The following DNAJC15 variants were observed in gnomAD, a reference collection of about 807,000 sequenced individuals.
DNAJC15 encodes DnaJ heat shock protein family (Hsp40) member C15.
A neutral mutation model predicts 22.4 loss-of-function variants in DNAJC15; 27 were observed. The ratio of observed to expected loss-of-function variants is 1.20; its 90% CI spans 0.89 to 1.66. The LOEUF (loss-of-function observed/expected upper bound fraction) is 1.66, where lower values mean the gene tolerates loss of function less well. Among genes scored for constraint, DNAJC15 ranks in the 40% most tolerant of loss-of-function variants. The pLI is 0.00. For synonymous variants in DNAJC15, 79 were observed against 63.2 expected, an observed-to-expected ratio of 1.25 and a Z score of -1.19; for missense variants, 208 against 187.1, an observed-to-expected ratio of 1.11 and a Z score of -0.65.
chr13:43,081,539 C>T (rs920981457), intron 4 of DNAJC15, among the ~76,000 whole-genome samples: 12 of 151,740 alleles, frequency 7.9e-5, no homozygotes, highest in East Asian at 3.9e-4. Context: ...CCCAGGTTCA[C>T]GCCATTCTCC....
chr13:43,024,091 T>C (rs1319243468), intron 1 of DNAJC15, among the ~76,000 whole-genome samples: 1 of 152,170 alleles, frequency 6.6e-6, no homozygotes, highest in Non-Finnish European at 1.5e-5. Context: ...CAGGGACGCT[T>C]CTTGGAGAAA....
chr13:43,033,156 C>T (rs551916264), intron 1 of DNAJC15, among the ~76,000 whole-genome samples: 3 of 152,202 alleles, frequency 2.0e-5, no homozygotes, highest in Admixed American at 6.5e-5. Context: ...CCACCAGGCC[C>T]CACCTCCCAC....
At chr13:43,091,611 C>G (rs1048475572) in intron 5 of DNAJC15, among the ~76,000 whole-genome samples, 7 of 152,096 alleles carry the variant, frequency 4.6e-5, no homozygotes, top group African/African-American at 1.7e-4. Context: ...TTTGTATCAT[C>G]TCTTATTAAT....
chr13:43,083,010 T>C (rs941278539), intron 4 of DNAJC15, among the ~76,000 whole-genome samples: 2 of 151,996 alleles, frequency 1.3e-5, no homozygotes, highest in African/African-American at 2.4e-5. Flanking sequence ...AAGCTCCCCC[T>C]TTTTTACTTT....
chr13:43,078,682 G>A lies in DNAJC15; in HGVS notation c.305G>A (p.Gly102Asp). 1.2e-6 allele frequency: 2 copies of A among 1,613,230 alleles called. No individual in the cohort carries two copies. The highest frequency in any genetic ancestry group is 1.7e-6 in the Non-Finnish European group (2 of 1,179,420). Reference sequence around the variant, plus strand: ...AGGCGAGAAGCTGGTCTTATTTTAGGTGTAAGGTAGGTGTGCAGCATAAGT... The same window carrying A: ...AGGCGAGAAGCTGGTCTTATTTTAGATGTAAGGTAGGTGTGCAGCATAAGT... ...MSRREAGLIL[G>D]VSPSAGKAKI... Residue 102 changes from glycine to aspartate, a missense_variant, in exon 4 of 6, where the codon GGT becomes GAT. Coordinates refer to ENST00000379221, the MANE Select transcript of DNAJC15 (RefSeq NM_013238.3).
In DNAJC15 at chr13:43,078,684, G is replaced by A. The variant is rs1310055165; in HGVS notation, c.307G>A (p.Val103Ile). 6 of 1,613,192 alleles carry A rather than the reference G, an allele frequency of 3.7e-6. No homozygotes were observed. In the East Asian group the frequency reaches 6.7e-5, roughly 18 times the overall value. ...SRREAGLILG[V>I]SPSAGKAKIR... is the part of the protein sequence containing the mutation. Reference sequence around the variant, plus strand: ...GCGAGAAGCTGGTCTTATTTTAGGTGTAAGGTAGGTGTGCAGCATAAGTAT... The same window carrying A: ...GCGAGAAGCTGGTCTTATTTTAGGTATAAGGTAGGTGTGCAGCATAAGTAT... The change falls in exon 4 of 6, where the codon GTA becomes ATA. Residue 103 changes from valine to isoleucine, a missense_variant. Physicochemically the swap from Val to Ile is conservative, Grantham distance 29. Transcript: ENST00000379221.
At chr13:43,067,958 CT>C (rs1416777129) in intron 2 of DNAJC15, among the ~76,000 whole-genome samples, 1 of 152,096 alleles carries the variant, frequency 6.6e-6, no homozygotes, top group African/African-American at 2.4e-5. Context: ...ACCTTTTTAT[CT>C]TCACATTTTC....
At chr13:43,024,439 T>G (rs113317084) in intron 1 of DNAJC15, among the ~76,000 whole-genome samples, 39,076 of 139,570 alleles carry the variant, frequency 0.28, 5,190 homozygotes, top group African/African-American at 0.37. Context: ...CGCCTCCCGG[T>G]TTCAGGCCAT....
chr13:43,053,875 C>G (rs2040517276), intron 1 of DNAJC15, among the ~76,000 whole-genome samples: 2 of 93,740 alleles, frequency 2.1e-5, no homozygotes, highest in South Asian at 5.6e-4. Context: ...ACAGTTTGAC[C>G]TCCTCTTTAC....
intron 1 of DNAJC15, among the ~76,000 whole-genome samples, chr13:43,026,682 T>C (rs943528997): frequency 1.3e-5 from 2 of 151,576 alleles, no homozygotes; most frequent in African/African-American, 4.9e-5. Flanking sequence ...TGTCAATGAG[T>C]TAAAGAAAAA....
chr13:43,069,060 TATTTC>T, intron 3 of DNAJC15, 57 bp downstream of exon 3: 2 of 1,494,464 alleles, frequency 1.3e-6, no homozygotes, highest in Non-Finnish European at 1.8e-6. Flanking sequence ...TCATATGACA[TATTTC>T]AATTAACTTA....
At chr13:43,082,905 T>C (rs763986462) in intron 4 of DNAJC15, among the ~76,000 whole-genome samples, 2 of 151,700 alleles carry the variant, frequency 1.3e-5, no homozygotes, top group African/African-American at 2.4e-5. Flanking sequence ...TATATATGTG[T>C]GTGTGTGTAT....
chr13:43,042,377 GT>G (rs1272695949), intron 1 of DNAJC15, among the ~76,000 whole-genome samples: 3 of 152,142 alleles, frequency 2.0e-5, no homozygotes, highest in Non-Finnish European at 4.4e-5. Flanking sequence ...GACTACTATA[GT>G]TTTGTTTCTT....
At chr13:43,080,963 A>G (rs1879769300) in intron 4 of DNAJC15, among the ~76,000 whole-genome samples, 2 of 152,214 alleles carry the variant, frequency 1.3e-5, no homozygotes, top group African/African-American at 4.8e-5. Flanking sequence ...ATTGAATCTC[A>G]GCTGTGTAGA....
At chr13:43,075,544 G>A (rs754276873) in intron 3 of DNAJC15, among the ~76,000 whole-genome samples, 2 of 152,112 alleles carry the variant, frequency 1.3e-5, no homozygotes, top group Non-Finnish European at 2.9e-5. Flanking sequence ...GCAAATATTT[G>A]GTGATACTTC....
Position 43,113,979 on chromosome 13 carries a change from T to C in DNAJC15, c.*6731T>C, listed in dbSNP as rs537412277. On this transcript the variant is annotated 3_prime_UTR_variant, in exon 6 of 6. Coordinates refer to ENST00000379221, the MANE Select transcript of DNAJC15 (RefSeq NM_013238.3). Reference sequence around the variant, plus strand: ...TAGGTAATCAGTTTGCCTTCTACTCTATCTCATTTTGTACTCGCTTACATA... The same window carrying C: ...TAGGTAATCAGTTTGCCTTCTACTCCATCTCATTTTGTACTCGCTTACATA... 1 of 152,316 alleles carries C rather than the reference T, an allele frequency of 6.6e-6. No individual in the cohort carries two copies. The highest frequency in any genetic ancestry group is 6.5e-5 in the Admixed American group (1 of 15,298). 9.4% of individuals were successfully genotyped at this position (152,316 alleles called of 1,614,324 possible). A position where few individuals can be genotyped will look rare whatever the true frequency, so the allele number is the denominator to read the frequency against.
chr13:43,060,306 TAGA>T (rs1160046006), intron 1 of DNAJC15, among the ~76,000 whole-genome samples: 1 of 152,108 alleles, frequency 6.6e-6, no homozygotes, highest in Non-Finnish European at 1.5e-5. Context: ...GTGGGGTTGT[TAGA>T]AGGAGCATTT....
chr13:43,101,700 C>T (rs985582404), intron 5 of DNAJC15, among the ~76,000 whole-genome samples: 3 of 152,114 alleles, frequency 2.0e-5, no homozygotes, highest in South Asian at 2.1e-4. Flanking sequence ...TTTTCCATTC[C>T]GGAGTTACTT....
At chr13:43,092,955 A>G (rs1489764011) in intron 5 of DNAJC15, among the ~76,000 whole-genome samples, 4 of 152,202 alleles carry the variant, frequency 2.6e-5, no homozygotes, top group Admixed American at 2.6e-4. Flanking sequence ...TCCAAAGAAT[A>G]CAGAATACTT....
Sources: gnomAD v4.1 joint callset for allele counts (sites outside exome capture counted in the v4.1 genomes callset) on GRCh38, gnomAD v4.1.1 for gene constraint, MANE v1.5 for transcripts, NCBI Gene and HGNC (gene_info 2026-07-23, HGNC 2026-07-21) for gene names.